The following PTPRG variants were observed in gnomAD, a reference collection of about 807,000 sequenced individuals.
PTPRG encodes the protein receptor-type tyrosine-protein phosphatase gamma.
Under a neutral mutation model 165.3 loss-of-function variants are expected in PTPRG, and 102 were observed. That is an observed-to-expected ratio of 0.62 (90% confidence interval 0.53 to 0.73). PTPRG has a LOEUF of 0.73. Among genes scored for constraint, PTPRG ranks in the 30% least tolerant of loss-of-function variants. The probability of loss-of-function intolerance (pLI) is 0.00; values close to 1 mark genes in which losing one functional copy is unlikely to be tolerated. For synonymous variants in PTPRG, 675 were observed against 669.5 expected, an observed-to-expected ratio of 1.01 and a Z score of -0.13; for missense variants, 1,866 against 1,861.4, an observed-to-expected ratio of 1.00 and a Z score of -0.05.
At chr3:61,613,122 A>G (rs1701219263) in intron 1 of PTPRG, among the ~76,000 whole-genome samples, 2 of 152,230 alleles carry the variant, frequency 1.3e-5, no homozygotes, top group Non-Finnish European at 2.9e-5. Flanking sequence ...CCTTTAGACT[A>G]GGACACTCAA....
chr3:62,233,277 C>T lies in PTPRG; in HGVS notation c.2375+1966C>T, dbSNP rs149476810. Among the ~76,000 whole-genome samples the T allele has an allele frequency of 7.9e-5, 12 of 152,252 alleles. No individual in the cohort carries two copies. Among genetic ancestry groups the T allele is most frequent in the Admixed American group, 2.0e-4 (3 of 15,304 alleles). On this transcript the variant is annotated intron_variant, in intron 14 of 29. Coordinates refer to ENST00000474889, the MANE Select transcript of PTPRG (RefSeq NM_002841.4). The surrounding 1 kb of genome is among the most constrained non-coding windows in gnomAD (Gnocchi z 4.7). ...AGATACAGATCCTGTCCTCAAGGGG[C>T]GCCATGTCTGTGCTTCTTACGCTAG...
At chr3:62,099,104 G>A (rs1050632864) in intron 5 of PTPRG, among the ~76,000 whole-genome samples, 103 of 152,266 alleles carry the variant, frequency 6.8e-4, no homozygotes, top group African/African-American at 2.3e-3. Flanking sequence ...AAATTCCCAT[G>A]TTTAGGAATT....
rs915274293 is a variant in PTPRG at position 61,997,395 on chromosome 3, C to G, written c.371-5954C>G. Among the ~76,000 whole-genome samples the G allele has an allele frequency of 3.3e-5, 5 of 152,348 alleles. 1 individual carries two copies. The highest frequency in any genetic ancestry group is 1.9e-4 in the East Asian group (1 of 5,184). ...TCTTGGGACAAACACAGACTGCTCA[C>G]TGTCCGTGCCTCATGCTCTGTCCTC... On this transcript the variant is annotated intron_variant, in intron 3 of 29. Coordinates refer to ENST00000474889, the MANE Select transcript of PTPRG (RefSeq NM_002841.4).
intron 5 of PTPRG, among the ~76,000 whole-genome samples, chr3:62,105,398 G>A (rs1207796756): frequency 1.3e-5 from 2 of 152,106 alleles, no homozygotes; most frequent in Non-Finnish European, 2.9e-5. Flanking sequence ...TTCAAGATTG[G>A]TATTAATTAT....
intron 1 of PTPRG, among the ~76,000 whole-genome samples, chr3:61,566,915 G>A (rs1293456319): frequency 6.6e-6 from 1 of 152,240 alleles, no homozygotes. Flanking sequence ...ATTGCAATAT[G>A]CGTACATTCT....
chr3:61,629,826 T>C (rs17065108), intron 1 of PTPRG, among the ~76,000 whole-genome samples: 4,102 of 152,350 alleles, frequency 0.027, 93 homozygotes, highest in Non-Finnish European at 0.039. Context: ...AGAGGCTCTC[T>C]GTGTTAACTG....
At chr3:61,776,701 G>T (rs184536197) in intron 2 of PTPRG, among the ~76,000 whole-genome samples, 1 of 151,760 alleles carries the variant, frequency 6.6e-6, no homozygotes, top group Non-Finnish European at 1.5e-5. Flanking sequence ...ATTTTGCCAC[G>T]GTCTGTCTTG....
intron 8 of PTPRG, among the ~76,000 whole-genome samples, chr3:62,188,039 G>A (rs1333828310): frequency 3.3e-5 from 5 of 152,024 alleles, no homozygotes; most frequent in Admixed American, 6.6e-5. Context: ...ACTTATTGAC[G>A]AGGAAATATA....
intron 4 of PTPRG, among the ~76,000 whole-genome samples, chr3:62,042,753 T>A (rs1287663370): frequency 6.6e-6 from 1 of 152,210 alleles, no homozygotes; most frequent in Non-Finnish European, 1.5e-5. Flanking sequence ...GTCTTTCTTG[T>A]GAGACTTTGA....
chr3:61,832,463 C>G (rs1172687251), intron 2 of PTPRG, among the ~76,000 whole-genome samples: 1 of 152,126 alleles, frequency 6.6e-6, no homozygotes, highest in Non-Finnish European at 1.5e-5. Flanking sequence ...GGTCATACAA[C>G]TGGGAAGAAA....
At chr3:61,942,665 C>T (rs1417474700) in intron 2 of PTPRG, among the ~76,000 whole-genome samples, 4 of 152,190 alleles carry the variant, frequency 2.6e-5, no homozygotes, top group African/African-American at 9.7e-5. Flanking sequence ...ACAGCTATTA[C>T]ACAGCTATTA....
In PTPRG at chr3:62,293,954, A is replaced by G. The variant is rs1702983739; in HGVS notation, c.*647A>G. On this transcript the variant is annotated 3_prime_UTR_variant, in exon 30 of 30. Coordinates refer to ENST00000474889, the MANE Select transcript of PTPRG (RefSeq NM_002841.4). ...ATGTGAACATCCCTTATTAGTTACA[A>G]AGTTATATTCACAGTTTTTTAAAAA... The G allele has an allele frequency of 6.6e-6, 1 of 152,592 alleles. No individual in the cohort carries two copies. The allele number at this position is 152,592 out of a possible 1,614,324, so 9.5% of individuals were successfully genotyped here. A position where few individuals can be genotyped will look rare whatever the true frequency, so the allele number is the denominator to read the frequency against.
intron 4 of PTPRG, among the ~76,000 whole-genome samples, chr3:62,041,385 G>T (rs938070001): frequency 6.6e-6 from 1 of 152,148 alleles, no homozygotes; most frequent in African/African-American, 2.4e-5. Context: ...TGAGCAGATT[G>T]TTGTCAAAAG....
intron 1 of PTPRG, among the ~76,000 whole-genome samples, chr3:61,680,280 C>T (rs912409922): frequency 7.9e-5 from 12 of 151,790 alleles, no homozygotes; most frequent in African/African-American, 2.7e-4. Context: ...AGATGGCTGG[C>T]GGTAAGGAAA....
chr3:62,055,862 C>T (rs1700615720), intron 4 of PTPRG, among the ~76,000 whole-genome samples: 1 of 152,092 alleles, frequency 6.6e-6, no homozygotes, highest in Non-Finnish European at 1.5e-5. Flanking sequence ...TTCTAATGGC[C>T]TCATCTCAAT....
intron 4 of PTPRG, among the ~76,000 whole-genome samples, chr3:62,023,479 A>G (rs763856342): frequency 6.6e-6 from 1 of 151,936 alleles, no homozygotes; most frequent in Non-Finnish European, 1.5e-5. Flanking sequence ...TTTTTCTTCT[A>G]AAGTTGTAAG....
chr3:62,156,072 C>T (rs1704526056), intron 6 of PTPRG, among the ~76,000 whole-genome samples: 1 of 152,220 alleles, frequency 6.6e-6, no homozygotes, highest in South Asian at 2.1e-4. Flanking sequence ...AGATAGTTTA[C>T]TGGGCATGCT....
chr3:61,879,149 T>C (rs536301610), intron 2 of PTPRG, among the ~76,000 whole-genome samples: 7 of 152,346 alleles, frequency 4.6e-5, no homozygotes, highest in East Asian at 1.9e-4. Context: ...AGAAAAGTCA[T>C]TGGACAGTGT....
At chr3:61,927,074 A>G (rs989108733) in intron 2 of PTPRG, among the ~76,000 whole-genome samples, 4 of 152,196 alleles carry the variant, frequency 2.6e-5, no homozygotes, top group African/African-American at 9.6e-5. Flanking sequence ...TCTGGATTCT[A>G]TTTCTGAATT....
Sources: allele counts gnomAD v4.1 joint callset (sites outside exome capture counted in the v4.1 genomes callset), GRCh38; gene constraint gnomAD v4.1.1; non-coding constraint Gnocchi (gnomAD v3.1); transcripts MANE v1.5; gene names NCBI Gene and HGNC (gene_info 2026-07-23, HGNC 2026-07-21).